Variants in XPO4 observed in about 807,000 individuals in gnomAD.
The protein encoded by XPO4 is exportin 4.
Under a neutral mutation model 143.0 loss-of-function variants are expected in XPO4, and 39 were observed. The observed-to-expected ratio is 0.27, with a 90% CI of 0.21 to 0.36. The LOEUF is 0.36. Among genes scored for constraint, XPO4 ranks in the 10% least tolerant of loss-of-function variants. XPO4 has a pLI of 1.00. For synonymous variants in XPO4, 439 were observed against 474.0 expected, an observed-to-expected ratio of 0.93 and a Z score of 0.96; for missense variants, 907 against 1,348.0, an observed-to-expected ratio of 0.67 and a Z score of 5.12.
chr13:20,851,711 C>CAAAAAAAAAAAAAAAAAAAAAAAGAA (rs11340357), intron 4 of XPO4: 1 of 681,866 alleles, frequency 1.5e-6, no homozygotes. Flanking sequence ...CCCGGTCTCA[C>CAAAAAAAAAAAAAAAAAAAAAAAGAA]AAAAAAAAAA....
chr13:20,853,077 A>G (rs1420401626), intron 4 of XPO4: 8 of 983,182 alleles, frequency 8.1e-6, no homozygotes, highest in African/African-American at 1.7e-5. Context: ...CACATCTGTA[A>G]TCCCAGCATT....
chr13:20,875,822 C>A (rs571282507), intron 1 of XPO4, among the ~76,000 whole-genome samples: 1 of 152,260 alleles, frequency 6.6e-6, no homozygotes, highest in Non-Finnish European at 1.5e-5. Context: ...GATAGGAGAA[C>A]TGCACTAGCA....
At chr13:20,807,253 T>C (rs1040653421) in intron 13 of XPO4, among the ~76,000 whole-genome samples, 2 of 152,220 alleles carry the variant, frequency 1.3e-5, no homozygotes, top group African/African-American at 2.4e-5. Context: ...GTACTGGGTA[T>C]AGCTGTCAAC....
intron 9 of XPO4, among the ~76,000 whole-genome samples, chr13:20,821,013 C>G (rs2059712769): frequency 6.6e-6 from 1 of 152,100 alleles, no homozygotes; most frequent in Non-Finnish European, 1.5e-5. Context: ...ATGATTAATA[C>G]AGCTATTCAG....
intron 9 of XPO4, among the ~76,000 whole-genome samples, chr13:20,810,490 T>C (rs1352093033): frequency 6.6e-6 from 1 of 152,116 alleles, no homozygotes; most frequent in Non-Finnish European, 1.5e-5. Flanking sequence ...ATTAGAGAAA[T>C]ACCAAAAGTG....
At position 20,902,725 on chromosome 13, in the gene XPO4, G is replaced by A. The variant is rs765355807; in HGVS notation, c.14C>T (p.Ala5Val). The A allele has an allele frequency of 1.3e-6, 2 of 1,556,094 alleles. No homozygotes were observed. Among genetic ancestry groups the A allele is most frequent in the South Asian group, 1.2e-5 (1 of 85,374 alleles). MMAAALGPPEVIAQL... is the reference protein window; with the variant it reads MMAAVLGPPEVIAQL... ...AGCGATCACTTCTGGGGGCCCCAGCGCCGCCGCCATCATGGTCTCTCTTCA... is the reference window on the plus strand; with the variant it reads ...AGCGATCACTTCTGGGGGCCCCAGCACCGCCGCCATCATGGTCTCTCTTCA... The change falls in exon 1 of 23, where the codon GCG (alanine) becomes GTG (valine). Residue 5 changes from alanine to valine, a missense_variant. Physicochemically the swap from Ala to Val is moderately conservative, Grantham distance 64. Transcript: ENST00000255305.
chr13:20,892,313 C>T (rs1017014477), intron 1 of XPO4, among the ~76,000 whole-genome samples: 1 of 152,112 alleles, frequency 6.6e-6, no homozygotes, highest in South Asian at 2.1e-4. Context: ...GTCTCAAACT[C>T]CTGACTTCAG....
In XPO4 at chr13:20,855,746, C is replaced by G. The variant is rs1406945960; in HGVS notation, c.337G>C (p.Glu113Gln). ...ACTGCTACTGCTAGTAGAATCTGTT[C>G]CCGAACATACTTTTGAAGGCTGTAA... ...QRPNLQKYVR[E>Q]QILLAVAVIV... is the part of the protein sequence containing the mutation. Residue 113 changes from glutamate (E) to glutamine (Q), a missense_variant, in exon 4 of 23, where the codon GAA becomes CAA. Physicochemically the swap from Glu to Gln is conservative, Grantham distance 29 (BLOSUM62 2). Coordinates refer to ENST00000255305, the MANE Select transcript of XPO4 (RefSeq NM_022459.5). The G allele has an allele frequency of 6.3e-7, 1 of 1,596,258 alleles. No homozygotes were observed. The highest frequency in any genetic ancestry group is 8.5e-7 in the Non-Finnish European group (1 of 1,175,238).
chr13:20,830,655 G>A (rs1428744855), intron 6 of XPO4, among the ~76,000 whole-genome samples: 1 of 151,742 alleles, frequency 6.6e-6, no homozygotes, highest in Non-Finnish European at 1.5e-5. Context: ...GAAACAAAAA[G>A]AACAGTATAA....
At chr13:20,824,145 T>G (rs1024187594) in intron 7 of XPO4, among the ~76,000 whole-genome samples, 6 of 152,226 alleles carry the variant, frequency 3.9e-5, no homozygotes, top group African/African-American at 1.4e-4. Context: ...ATACAAATAT[T>G]TTTCAAACTA....
intron 13 of XPO4, among the ~76,000 whole-genome samples, chr13:20,801,205 C>T (rs938594351): frequency 1.3e-5 from 2 of 152,202 alleles, no homozygotes; most frequent in African/African-American, 2.4e-5. Context: ...GAAGAGTCAA[C>T]ACTAGAGATG....
At chr13:20,810,885 T>C (rs1341686257) in intron 9 of XPO4, among the ~76,000 whole-genome samples, 2 of 152,182 alleles carry the variant, frequency 1.3e-5, no homozygotes, top group East Asian at 1.9e-4. Context: ...TTAGCTACTA[T>C]TACTGAATTA....
intron 19 of XPO4, among the ~76,000 whole-genome samples, chr13:20,789,205 G>A (rs1419583387): frequency 6.6e-6 from 1 of 152,158 alleles, no homozygotes; most frequent in East Asian, 1.9e-4. Flanking sequence ...TCAATATGGA[G>A]AGTTGACTAA....
At chr13:20,852,573 A>C in intron 4 of XPO4, 1 of 981,046 alleles carries the variant, frequency 1.0e-6, no homozygotes, top group African/African-American at 1.7e-5. Context: ...CAAATCTTAT[A>C]ATATTTGGTA....
Position 20,796,223 on chromosome 13 carries a change from T to G in XPO4, c.2650A>C (p.Thr884Pro). The change falls in exon 18 of 23, where the codon ACT becomes CCT. Residue 884 changes from threonine to proline, a missense_variant. Thr to Pro is a conservative substitution (Grantham distance 38). Coordinates refer to ENST00000255305, the MANE Select transcript of XPO4 (RefSeq NM_022459.5). ...TTCTTAGAATACACTTGCAACAAAG[T>G]AAGGCAGGCTTCATATAAGTTCATA... ...KAMNLYEACL[T>P]LLQVYSKNNL... is the part of the protein sequence containing the mutation. The G allele has an allele frequency of 6.2e-7, 1 of 1,608,976 alleles. No homozygotes were observed. Among genetic ancestry groups the G allele is most frequent in the Non-Finnish European group, 8.5e-7 (1 of 1,178,580 alleles).
chr13:20,889,668 T>G (rs999068387), intron 1 of XPO4, among the ~76,000 whole-genome samples: 7 of 152,206 alleles, frequency 4.6e-5, no homozygotes, highest in African/African-American at 1.4e-4. Context: ...GAAAAAAATA[T>G]GGTAATCTCA....
At position 20,780,783 on chromosome 13, in the gene XPO4, T is replaced by C. The variant is rs768201955; in HGVS notation, c.*2939A>G. On this transcript the variant is annotated 3_prime_UTR_variant, in exon 23 of 23. Transcript: ENST00000255305. ...TGGCCACCCTGAAAGACCCAAATAA[T>C]GGTGCTGGAAAGGACACTGTCAAAT... 10 of 152,224 alleles carry C rather than the reference T, an allele frequency of 6.6e-5. No homozygotes were observed. Among genetic ancestry groups the C allele is most frequent in the Non-Finnish European group, 1.2e-4 (8 of 68,046 alleles). 9.4% of individuals were successfully genotyped at this position (152,224 alleles called of 1,614,324 possible).
rs151165928 is a variant in XPO4 at position 20,827,322 on chromosome 13, C to A, written c.728-143G>T. 1.3e-4 allele frequency: 80 copies of A among 608,960 alleles called. No homozygotes were observed. The East Asian group carries it at 2.1e-3, about 16-fold the overall frequency. The allele number at this position is 608,960 out of a possible 1,614,324, so 37.7% of individuals were successfully genotyped here. On this transcript the variant is annotated intron_variant, in intron 6 of 22. Transcript: ENST00000255305. ...CTTCACATATGCTACATAATTCATC[C>A]ATGAAGCTAAGGAATAGAAGGCATT...
Position 20,842,845 on chromosome 13 carries a change from T to C in XPO4, c.727+50A>G. 2.6e-6 allele frequency: 4 copies of C among 1,517,188 alleles called. 1 individual carries two copies. The highest frequency in any genetic ancestry group is 2.7e-6 in the Non-Finnish European group (3 of 1,116,710). 94.0% of individuals were successfully genotyped at this position (1,517,188 alleles called of 1,614,324 possible). ...TGAAAGACTCCGAGCTGTAATTAAG[T>C]CACCTATGAAAATTACCACAGATAA... On this transcript the variant is annotated intron_variant, in intron 6 of 22. Coordinates refer to ENST00000255305, the MANE Select transcript of XPO4 (RefSeq NM_022459.5).
Sources: allele counts gnomAD v4.1 joint callset (sites outside exome capture counted in the v4.1 genomes callset), GRCh38; gene constraint gnomAD v4.1.1; transcripts MANE v1.5; gene names NCBI Gene and HGNC (gene_info 2026-07-23, HGNC 2026-07-21).